The following PXK variants were observed in gnomAD, a reference collection of about 807,000 sequenced individuals.
PXK encodes PX domain containing serine/threonine kinase like, also known as PX domain-containing protein kinase-like protein.
In PXK, 35 loss-of-function variants were observed where a neutral mutation model predicts 84.7. That is an observed-to-expected ratio of 0.41 (90% CI 0.32 to 0.55). The LOEUF (loss-of-function observed/expected upper bound fraction) is 0.55. Ranked by LOEUF, PXK falls within the 20% of genes least tolerant of loss-of-function variation. PXK has a pLI of 0.21. For missense variants in PXK, 634 were observed against 699.7 expected, an observed-to-expected ratio of 0.91 and a Z score of 1.06; for synonymous variants, 253 against 260.8, an observed-to-expected ratio of 0.97 and a Z score of 0.29.
intron 1 of PXK, among the ~76,000 whole-genome samples, chr3:58,349,607 C>T (rs916178091): frequency 2.0e-5 from 3 of 152,230 alleles, no homozygotes; most frequent in East Asian, 1.9e-4. Flanking sequence ...CTACCCTCCT[C>T]GGCTTCCCAA....
intron 16 of PXK, among the ~76,000 whole-genome samples, chr3:58,410,753 T>C (rs1478379558): frequency 6.6e-6 from 1 of 152,224 alleles, no homozygotes; most frequent in Non-Finnish European, 1.5e-5. Flanking sequence ...CTGGGGGCCT[T>C]CCAGTTTTTC....
intron 17 of PXK, among the ~76,000 whole-genome samples, chr3:58,419,222 C>G (rs1399647215): frequency 6.6e-6 from 1 of 152,214 alleles, no homozygotes; most frequent in African/African-American, 2.4e-5. Flanking sequence ...GGGGGTCTTA[C>G]AACCTATAGT....
At chr3:58,378,508 T>TGTG (rs1478546551) in intron 3 of PXK, among the ~76,000 whole-genome samples, 21 of 28,516 alleles carry the variant, frequency 7.4e-4, no homozygotes, top group African/African-American at 1.7e-3. Context: ...TTTTTTTTTT[T>TGTG]TTTTTGTGTG....
intron 1 of PXK, among the ~76,000 whole-genome samples, chr3:58,360,087 G>T (rs1195717058): frequency 6.6e-6 from 1 of 152,082 alleles, no homozygotes; most frequent in Non-Finnish European, 1.5e-5. Context: ...GGTCGAGGCC[G>T]CATGCCATTG....
At position 58,333,125 on chromosome 3, in the gene PXK, G is replaced by C. The variant is rs988634151; in HGVS notation, c.102+35G>C. On this transcript the variant is annotated intron_variant, in intron 1 of 17. Coordinates refer to ENST00000356151, the MANE Select transcript of PXK (RefSeq NM_017771.5). This position sits in a 1 kb window ranked among gnomAD's most constrained non-coding sequence, Gnocchi z 5.4. Reference sequence around the variant, plus strand: ...CCAGCGGGCGGGCGGGCGGCGTGGGGCGGCCCCGGGCCGCGAGGGGGCTGC... The same window carrying C: ...CCAGCGGGCGGGCGGGCGGCGTGGGCCGGCCCCGGGCCGCGAGGGGGCTGC... 1 of 1,077,800 alleles carries C rather than the reference G, an allele frequency of 9.3e-7. No individual in the cohort carries two copies. Among genetic ancestry groups the C allele is most frequent in the Non-Finnish European group, 1.1e-6 (1 of 888,700 alleles). 66.8% of individuals were successfully genotyped at this position (1,077,800 alleles called of 1,614,324 possible).
Position 58,391,059 on chromosome 3 carries a change from T to G in PXK, c.467-88T>G, listed in dbSNP as rs574000897. 5.2e-6 allele frequency: 5 copies of G among 966,758 alleles called. No individual in the cohort carries two copies. In the East Asian group the frequency reaches 1.2e-4, roughly 23 times the overall value. The allele number at this position is 966,758 out of a possible 1,614,324, so 59.9% of individuals were successfully genotyped here. The stretch of plus-strand genomic sequence containing the variant: ...GTAGCTGCGAATAATATTGCCAAAC[T>G]TAATTTTTCTTGATTACCTAGTCAG... On this transcript the variant is annotated intron_variant, in intron 5 of 17. Transcript: ENST00000356151.
chr3:58,339,131 A>T (rs899221038), intron 1 of PXK, among the ~76,000 whole-genome samples: 2 of 152,066 alleles, frequency 1.3e-5, no homozygotes, highest in Non-Finnish European at 2.9e-5. Context: ...GCTTTTAGGT[A>T]CTGGTAATTA....
intron 17 of PXK, chr3:58,422,474 G>A: frequency 1.0e-6 from 1 of 985,338 alleles, no homozygotes; most frequent in Non-Finnish European, 1.2e-6. Context: ...CTGCTTTACT[G>A]GAGCCCTGGA....
chr3:58,401,083 C>G lies in PXK; in HGVS notation c.1181+1706C>G, dbSNP rs906143525. 1.3e-5 allele frequency among the ~76,000 whole-genome samples: 2 copies of G among 152,210 alleles called. No homozygotes were observed. The highest frequency in any genetic ancestry group is 6.5e-5 in the Admixed American group (1 of 15,276). On this transcript the variant is annotated intron_variant, in intron 12 of 17. Transcript: ENST00000356151. This position sits in a 1 kb window ranked among gnomAD's most constrained non-coding sequence, Gnocchi z 4.4. ...CCCATTCCAAAGCTCTTACATCTTT[C>G]TCTCAGTCTTCCAGTCCTTAAGTGA...
At chr3:58,353,971 C>T (rs1178827500) in intron 1 of PXK, among the ~76,000 whole-genome samples, 7 of 152,112 alleles carry the variant, frequency 4.6e-5, no homozygotes. Context: ...AGATTCCAGC[C>T]AGGTCACTTG....
intron 3 of PXK, among the ~76,000 whole-genome samples, chr3:58,380,491 A>G (rs2098487489): frequency 6.6e-6 from 1 of 151,834 alleles, no homozygotes; most frequent in East Asian, 1.9e-4. Flanking sequence ...ACTATAAACT[A>G]GAAGACAACC....
At position 58,391,181 on chromosome 3, in the gene PXK, G is replaced by C. The variant is rs148642996; in HGVS notation, c.501G>C (p.Lys167Asn). Reference protein sequence around the residue: ...WRIRKKYFLMKIKNQPKERLV... With the variant: ...WRIRKKYFLMNIKNQPKERLV... The stretch of plus-strand genomic sequence containing the variant: ...TAAGGAAGAAATATTTCTTGATGAA[G>C]ATTAAAAATCAGCCAAAGGAACGGC... The change falls in exon 6 of 18, where the codon AAG becomes AAC. Residue 167 changes from lysine to asparagine, a missense_variant. Transcript: ENST00000356151. 344 of 1,613,750 alleles carry C rather than the reference G, an allele frequency of 2.1e-4. No homozygotes were observed. In the African/African-American group the frequency reaches 4.2e-3, roughly 20 times the overall value.
intron 1 of PXK, among the ~76,000 whole-genome samples, chr3:58,337,650 A>G (rs71311857): frequency 0.079 from 12,069 of 152,120 alleles, 572 homozygotes; most frequent in Middle Eastern, 0.092. Flanking sequence ...TTTGATTTTT[A>G]GTAGAGATGG....
intron 17 of PXK, chr3:58,423,149 G>A (rs779780966): frequency 9.1e-6 from 9 of 985,268 alleles, no homozygotes; most frequent in Non-Finnish European, 1.1e-5. Context: ...TATTTCACTG[G>A]TTGCTCTCCA....
At position 58,397,214 on chromosome 3, in the gene PXK, G is replaced by C. The variant is rs967329037; in HGVS notation, c.984+14G>C. 1 of 1,612,452 alleles carries C rather than the reference G, an allele frequency of 6.2e-7. No individual in the cohort carries two copies. The highest frequency in any genetic ancestry group is 8.5e-7 in the Non-Finnish European group (1 of 1,178,710). On this transcript the variant is annotated intron_variant, in intron 10 of 17. Coordinates refer to ENST00000356151, the MANE Select transcript of PXK (RefSeq NM_017771.5). The surrounding 1 kb of genome is among the most constrained non-coding windows in gnomAD (Gnocchi z 4.7). ...AGGAAAATCAATGTAAGTTGCTAAA[G>C]TAATGAAATAGCAGGTTCATTTTTA... is the stretch of plus-strand genomic sequence containing the variant.
intron 3 of PXK, among the ~76,000 whole-genome samples, chr3:58,381,360 A>G (rs1157009444): frequency 6.6e-6 from 1 of 152,122 alleles, no homozygotes; most frequent in Non-Finnish European, 1.5e-5. Flanking sequence ...TGACAAAAGC[A>G]AAAACATCTC....
At chr3:58,418,252 T>C (rs771950991) in intron 17 of PXK, among the ~76,000 whole-genome samples, 2 of 152,246 alleles carry the variant, frequency 1.3e-5, no homozygotes, top group Admixed American at 6.5e-5. Flanking sequence ...TGTTGCTTTA[T>C]GGTCACTTGT....
At chr3:58,395,840 T>C in intron 9 of PXK, 81 bp downstream of exon 9, 1 of 1,142,106 alleles carries the variant, frequency 8.8e-7, no homozygotes, top group Non-Finnish European at 1.3e-6. Context: ...TTAAGTAATA[T>C]CCAAAATTAC....
At chr3:58,371,957 CTG>C (rs2098379291) in intron 3 of PXK, among the ~76,000 whole-genome samples, 1 of 152,074 alleles carries the variant, frequency 6.6e-6, no homozygotes, top group African/African-American at 2.4e-5. Flanking sequence ...CAGAATAAAA[CTG>C]TGACCATGAT....
Sources: gnomAD v4.1 joint callset for allele counts (sites outside exome capture counted in the v4.1 genomes callset) on GRCh38, gnomAD v4.1.1 for gene constraint, Gnocchi (gnomAD v3.1) non-coding constraint, MANE v1.5 for transcripts, NCBI Gene and HGNC (gene_info 2026-07-23, HGNC 2026-07-21) for gene names.